BTNL9: variants seen among roughly 807,000 people sequenced by gnomAD.
BTNL9 encodes the protein butyrophilin like 9, also known as butyrophilin-like protein 9.
Under a neutral mutation model 45.8 loss-of-function variants are expected in BTNL9, and 45 were observed. The observed-to-expected ratio is 0.98, with a 90% CI of 0.77 to 1.26. The LOEUF (loss-of-function observed/expected upper bound fraction) is 1.26, where lower values mean the gene tolerates loss of function less well. Among genes scored for constraint, BTNL9 ranks in the 50% most tolerant of loss-of-function variants. The pLI is 0.00. For synonymous variants in BTNL9, 346 were observed against 330.8 expected, an observed-to-expected ratio of 1.05 and a Z score of -0.50; for missense variants, 784 against 729.7, an observed-to-expected ratio of 1.07 and a Z score of -0.86.
In BTNL9 at chr5:181,053,362, G is replaced by GAA; in HGVS notation, c.853+47_853+48dup. ...GCGGGGAGGGGCACCGGCCGGTGCT[G>GAA]AACCCCGGGGCCGCGGAGGCGCCTC... On this transcript the variant is annotated intron_variant, in intron 5 of 10. Transcript: ENST00000327705. The surrounding 1 kb of genome is among the most constrained non-coding windows in gnomAD (Gnocchi z 6.5). The GAA allele has an allele frequency of 6.6e-7, 1 of 1,521,666 alleles. No individual in the cohort carries two copies. The highest frequency in any genetic ancestry group is 8.8e-7 in the Non-Finnish European group (1 of 1,134,094). 94.3% of individuals were successfully genotyped at this position (1,521,666 alleles called of 1,614,324 possible).
Position 181,053,640 on chromosome 5 carries a change from C to A in BTNL9, c.886+139C>A, listed in dbSNP as rs1302408019. 5 of 1,542,524 alleles carry A rather than the reference C, an allele frequency of 3.2e-6. No homozygotes were observed. Among genetic ancestry groups the A allele is most frequent in the Non-Finnish European group, 4.4e-6 (5 of 1,142,304 alleles). On this transcript the variant is annotated intron_variant, in intron 6 of 10. Coordinates refer to ENST00000327705, the MANE Select transcript of BTNL9 (RefSeq NM_152547.5). The surrounding 1 kb of genome is among the most constrained non-coding windows in gnomAD (Gnocchi z 6.5). ...GCCACCGGGGAACGGGGATCGGTGA[C>A]CCCGGTGGGGAAGGGGGAAGATCGT...
At chr5:181,043,183 C>CGTGTGTGT (rs34383941) in intron 1 of BTNL9, among the ~76,000 whole-genome samples, 4 of 151,028 alleles carry the variant, frequency 2.6e-5, no homozygotes, top group Non-Finnish European at 5.9e-5. Flanking sequence ...ACTGTCAGCA[C>CGTGTGTGT]GTGTGTGTGT....
intron 10 of BTNL9, 126 bp downstream of exon 10, chr5:181,058,504 AGACAC>A: frequency 1.6e-6 from 2 of 1,266,984 alleles, no homozygotes; most frequent in Non-Finnish European, 2.3e-6. Flanking sequence ...TGCACACACA[AGACAC>A]ACACGCACAC....
At chr5:181,047,885 TG>T in intron 2 of BTNL9, 41 bp from the exon 3 acceptor site, 1 of 1,546,012 alleles carries the variant, frequency 6.5e-7, no homozygotes, top group Non-Finnish European at 8.8e-7. Context: ...TTTTAAAAAT[TG>T]GATGAGGGTT....
At chr5:181,058,704 A>G (rs1296843421) in intron 10 of BTNL9, among the ~76,000 whole-genome samples, 1 of 151,906 alleles carries the variant, frequency 6.6e-6, no homozygotes, top group Non-Finnish European at 1.5e-5. Context: ...GGGGTCCCCT[A>G]GGTTCCCATC....
In BTNL9 at chr5:181,053,235, G is replaced by A. The variant is rs558303462; in HGVS notation, c.772G>A (p.Ala258Thr). ...FVPGASAWKS[A>T]FVATLPLLLV... The stretch of plus-strand genomic sequence containing the variant: ...ACCCGGAGCCTCTGCGTGGAAGAGC[G>A]CGTTCGTCGCGACCCTGCCGCTGCT... The change falls in exon 5 of 11, where the codon GCG becomes ACG. Residue 258 changes from alanine to threonine, a missense_variant. Transcript: ENST00000327705. The surrounding 1 kb of genome is among the most constrained non-coding windows in gnomAD (Gnocchi z 6.5). 2.5e-6 allele frequency: 4 copies of A among 1,589,182 alleles called. No homozygotes were observed. Among genetic ancestry groups the A allele is most frequent in the Non-Finnish European group, 2.6e-6 (3 of 1,168,804 alleles).
In BTNL9 at chr5:181,059,456, G is replaced by C. The variant is rs775299854; in HGVS notation, c.1202G>C (p.Cys401Ser). The part of the protein sequence containing the change: ...GRRSRWFLGA[C>S]LAAVPRAGPA... ...CGCAGCCGCTGGTTCCTGGGCGCCT[G>C]CCTGGCCGCGGTGCCGCGCGCGGGG... is the stretch of plus-strand genomic sequence containing the variant. Residue 401 changes from cysteine (C) to serine (S), a missense_variant, in exon 11 of 11, where the codon TGC (cysteine) becomes TCC (serine). Transcript: ENST00000327705. 8.3e-6 allele frequency: 12 copies of C among 1,451,202 alleles called. No homozygotes were observed. The highest frequency in any genetic ancestry group is 1.1e-5 in the Non-Finnish European group (12 of 1,108,810). 89.9% of individuals were successfully genotyped at this position (1,451,202 alleles called of 1,614,324 possible). A position where few individuals can be genotyped will look rare whatever the true frequency, so the allele number is the denominator to read the frequency against.
At position 181,053,347 on chromosome 5, in the gene BTNL9, G is replaced by A; in HGVS notation, c.853+31G>A. On this transcript the variant is annotated intron_variant, in intron 5 of 10. Transcript: ENST00000327705. This position sits in a 1 kb window ranked among gnomAD's most constrained non-coding sequence, Gnocchi z 6.5. ...GGCGCGGGCGGCGGGGCGGGGAGGG[G>A]CACCGGCCGGTGCTGAACCCCGGGG... The A allele has an allele frequency of 6.6e-7, 1 of 1,513,372 alleles. No homozygotes were observed. Among genetic ancestry groups the A allele is most frequent in the Non-Finnish European group, 8.8e-7 (1 of 1,130,524 alleles). 93.7% of individuals were successfully genotyped at this position (1,513,372 alleles called of 1,614,324 possible).
intron 10 of BTNL9, among the ~76,000 whole-genome samples, chr5:181,058,683 T>G (rs1480262799): frequency 6.6e-6 from 1 of 152,110 alleles, no homozygotes; most frequent in African/African-American, 2.4e-5. Flanking sequence ...CCTCCCAGAT[T>G]CTCTGACGAA....
intron 10 of BTNL9, 135 bp downstream of exon 10, chr5:181,058,513 C>A: frequency 1.7e-6 from 2 of 1,184,776 alleles, no homozygotes; most frequent in Non-Finnish European, 2.5e-6. Flanking sequence ...AAGACACACA[C>A]GCACACTTGC....
chr5:181,046,671 AAGAG>A lies in BTNL9; in HGVS notation c.109+1080_109+1083del, dbSNP rs569290896. ...CATTTATGTGACCATGGCTGAGAGA[AAGAG>A]AGAGAGCGAGAGAGAGAGAGAGCGA... On this transcript the variant is annotated intron_variant, in intron 2 of 10. Coordinates refer to ENST00000327705, the MANE Select transcript of BTNL9 (RefSeq NM_152547.5). Among the ~76,000 whole-genome samples the A allele has an allele frequency of 1.8e-4, 27 of 151,188 alleles. No homozygotes were observed. In the South Asian group the frequency reaches 4.0e-3, roughly 22 times the overall value.
In BTNL9 at chr5:181,053,217, G is replaced by A; in HGVS notation, c.754G>A (p.Ala252Thr). Residue 252 changes from alanine (A) to threonine (T), a missense_variant, in exon 5 of 11, where the codon GCC (alanine) becomes ACC (threonine). Physicochemically the swap from Ala to Thr is moderately conservative, Grantham distance 58. Transcript: ENST00000327705. This position sits in a 1 kb window ranked among gnomAD's most constrained non-coding sequence, Gnocchi z 6.5. Reference sequence around the variant, plus strand: ...TTTTCCAGACGTGTTCGTACCCGGAGCCTCTGCGTGGAAGAGCGCGTTCGT... The same window carrying A: ...TTTTCCAGACGTGTTCGTACCCGGAACCTCTGCGTGGAAGAGCGCGTTCGT... ...VQIADVFVPG[A>T]SAWKSAFVAT... is the part of the protein sequence containing the mutation. 1 of 1,587,544 alleles carries A rather than the reference G, an allele frequency of 6.3e-7. No homozygotes were observed. The highest frequency in any genetic ancestry group is 2.4e-5 in the East Asian group (1 of 41,800).
intron 1 of BTNL9, 106 bp from the exon 2 acceptor site, chr5:181,045,361 C>G (rs1013747970): frequency 1.6e-6 from 1 of 643,610 alleles, no homozygotes; most frequent in African/African-American, 1.8e-5. Flanking sequence ...AATTTGAGAA[C>G]TAGACAAAAA....
chr5:181,046,725 G>A (rs1045543230), intron 2 of BTNL9, among the ~76,000 whole-genome samples: 4 of 152,080 alleles, frequency 2.6e-5, no homozygotes, highest in African/African-American at 9.7e-5. Flanking sequence ...GAGAGAGAGA[G>A]AGAATTGTGT....
intron 10 of BTNL9, among the ~76,000 whole-genome samples, chr5:181,058,839 A>G (rs948044439): frequency 9.9e-5 from 15 of 151,610 alleles, no homozygotes; most frequent in Non-Finnish European, 1.8e-4. Flanking sequence ...AAAATCCAAA[A>G]TTTCTGTAAA....
intron 2 of BTNL9, among the ~76,000 whole-genome samples, chr5:181,046,779 G>C (rs532902107): frequency 6.6e-6 from 1 of 152,090 alleles, no homozygotes; most frequent in African/African-American, 2.4e-5. Flanking sequence ...ATTTGTTCCC[G>C]GAAAGCTGAG....
rs1761862322 is a variant in BTNL9, at chr5:181,055,986, C to T, written c.929-3C>T. The T allele has an allele frequency of 8.1e-6, 13 of 1,614,174 alleles. No homozygotes were observed. The highest frequency in any genetic ancestry group is 1.1e-5 in the Non-Finnish European group (13 of 1,180,030). ...ATTTCCTGTTTTCCCTTGGTTGCTT[C>T]AGACTGGAGACGGGCTGAAGGCCAG... On this transcript the variant is annotated splice_polypyrimidine_tract_variant and splice_region_variant and intron_variant, in intron 8 of 10. Coordinates refer to ENST00000327705, the MANE Select transcript of BTNL9 (RefSeq NM_152547.5). The surrounding 1 kb of genome is among the most constrained non-coding windows in gnomAD (Gnocchi z 4.4).
Position 181,050,938 on chromosome 5 carries a change from T to C in BTNL9, c.736+569T>C, listed in dbSNP as rs936874268. ...CCCATCTCTACTAAAATTACAAAAA[T>C]TAGCCCGGCATAGTGGCAGGCGCCT... On this transcript the variant is annotated intron_variant, in intron 4 of 10. Coordinates refer to ENST00000327705, the MANE Select transcript of BTNL9 (RefSeq NM_152547.5). This position sits in a 1 kb window ranked among gnomAD's most constrained non-coding sequence, Gnocchi z 4.9. Among the ~76,000 whole-genome samples, 12 of 151,672 alleles carry C rather than the reference T, an allele frequency of 7.9e-5. No homozygotes were observed. The highest frequency in any genetic ancestry group is 2.9e-4 in the African/African-American group (12 of 41,266).
At chr5:181,045,117 G>A (rs539054399) in intron 1 of BTNL9, among the ~76,000 whole-genome samples, 5 of 152,282 alleles carry the variant, frequency 3.3e-5, no homozygotes, top group African/African-American at 9.6e-5. Flanking sequence ...GAGGAAAGTC[G>A]CTAAGCCCAG....
Sources: allele counts gnomAD v4.1 joint callset (sites outside exome capture counted in the v4.1 genomes callset), GRCh38; gene constraint gnomAD v4.1.1; non-coding constraint Gnocchi (gnomAD v3.1); transcripts MANE v1.5; gene names NCBI Gene and HGNC (gene_info 2026-07-23, HGNC 2026-07-21).